Variants in STAC observed in about 807,000 individuals in gnomAD.
STAC encodes the protein SH3 and cysteine rich domain, also known as SH3 and cysteine-rich domain-containing protein.
Under a neutral mutation model 48.8 loss-of-function variants are expected in STAC, and 43 were observed. That is an observed-to-expected ratio of 0.88 (90% CI 0.69 to 1.14). The LOEUF (loss-of-function observed/expected upper bound fraction) is 1.14, where lower values mean the gene tolerates loss of function less well. Among genes scored for constraint, STAC ranks in the 50% most tolerant of loss-of-function variants. STAC has a pLI of 0.00. For synonymous variants in STAC, 193 were observed against 179.5 expected (o/e 1.07, Z -0.60); for missense variants, 497 against 504.0 (o/e 0.99, Z 0.13).
intron 1 of STAC, among the ~76,000 whole-genome samples, chr3:36,393,970 G>A (rs1699803360): frequency 6.6e-6 from 1 of 151,976 alleles, no homozygotes; most frequent in South Asian, 2.1e-4. Flanking sequence ...GGGAAGAGAA[G>A]AAGCTGGCGG....
intron 10 of STAC, among the ~76,000 whole-genome samples, chr3:36,541,610 C>A (rs1435888107): frequency 3.3e-5 from 5 of 152,096 alleles, no homozygotes; most frequent in African/African-American, 4.8e-5. Context: ...CATTTAACTC[C>A]AAAGCAAGGA....
intron 1 of STAC, among the ~76,000 whole-genome samples, chr3:36,441,933 T>C (rs931716791): frequency 2.0e-5 from 3 of 146,564 alleles, no homozygotes; most frequent in African/African-American, 7.4e-5. Flanking sequence ...ATTGGATTGT[T>C]TGGAGGTTTG....
chr3:36,536,544 T>C (rs1228706373), intron 10 of STAC, among the ~76,000 whole-genome samples: 2 of 152,162 alleles, frequency 1.3e-5, no homozygotes, highest in Non-Finnish European at 2.9e-5. Flanking sequence ...GCTAGCCATA[T>C]GCAGAAGATT....
chr3:36,487,806 C>T (rs1697855768), intron 5 of STAC, among the ~76,000 whole-genome samples: 2 of 152,100 alleles, frequency 1.3e-5, no homozygotes, highest in Admixed American at 1.3e-4. Flanking sequence ...TAGACATTGC[C>T]TCAAAGCAGT....
intron 1 of STAC, among the ~76,000 whole-genome samples, chr3:36,428,991 G>A (rs769125609): frequency 1.3e-5 from 2 of 152,164 alleles, no homozygotes; most frequent in Non-Finnish European, 2.9e-5. Context: ...GAGGATGGCG[G>A]TTGTACAGGT....
At chr3:36,521,387 A>G (rs1047623912) in intron 8 of STAC, among the ~76,000 whole-genome samples, 6 of 152,068 alleles carry the variant, frequency 3.9e-5, no homozygotes, top group African/African-American at 1.4e-4. Flanking sequence ...CTTGTATGAA[A>G]ATGCAACTGT....
intron 7 of STAC, among the ~76,000 whole-genome samples, chr3:36,505,354 AAC>A (rs1278922159): frequency 2.6e-5 from 4 of 152,082 alleles, no homozygotes. Context: ...TAACTGATAA[AAC>A]AGTTAATTTT....
chr3:36,422,340 G>T (rs1700469067), intron 1 of STAC, among the ~76,000 whole-genome samples: 1 of 152,110 alleles, frequency 6.6e-6, no homozygotes, highest in African/African-American at 2.4e-5. Context: ...AGATGTCAGT[G>T]TAAGTACATA....
chr3:36,420,634 C>A (rs986125251), intron 1 of STAC, among the ~76,000 whole-genome samples: 1 of 152,204 alleles, frequency 6.6e-6, no homozygotes, highest in Non-Finnish European at 1.5e-5. Flanking sequence ...TGAGGTGGAA[C>A]ACTTTCATCC....
At chr3:36,482,853 A>AT (rs1300599876) in intron 2 of STAC, 139 bp from the exon 3 acceptor site, 17 of 620,638 alleles carry the variant, frequency 2.7e-5, no homozygotes, top group South Asian at 4.0e-5. Flanking sequence ...TACCATATAT[A>AT]TTTTTTTTCT....
chr3:36,540,268 C>T (rs1699292295), intron 10 of STAC, among the ~76,000 whole-genome samples: 1 of 152,110 alleles, frequency 6.6e-6, no homozygotes, highest in South Asian at 2.1e-4. Flanking sequence ...GACTTCTGAA[C>T]CCTAGAACTG....
At chr3:36,516,949 A>G (rs1292458785) in intron 8 of STAC, among the ~76,000 whole-genome samples, 3 of 152,224 alleles carry the variant, frequency 2.0e-5, no homozygotes, top group Non-Finnish European at 4.4e-5. Context: ...GATATAGAGT[A>G]GAGAAAACAC....
intron 1 of STAC, among the ~76,000 whole-genome samples, chr3:36,402,584 C>T (rs1258606523): frequency 6.6e-6 from 1 of 151,898 alleles, no homozygotes; most frequent in Non-Finnish European, 1.5e-5. Flanking sequence ...GGAAGTCACC[C>T]AAAATGGATT....
intron 10 of STAC, among the ~76,000 whole-genome samples, chr3:36,541,392 C>G (rs568772969): frequency 2.0e-5 from 3 of 152,280 alleles, no homozygotes; most frequent in Middle Eastern, 3.4e-3. Flanking sequence ...CAGAAATGAC[C>G]ATGAGTACCA....
intron 1 of STAC, among the ~76,000 whole-genome samples, chr3:36,414,942 C>A (rs1449972758): frequency 6.6e-6 from 1 of 152,178 alleles, no homozygotes; most frequent in East Asian, 1.9e-4. Context: ...CACTCCAGAC[C>A]CTGTTTGCCT....
At chr3:36,473,601 C>A (rs915332320) in intron 2 of STAC, among the ~76,000 whole-genome samples, 5 of 152,196 alleles carry the variant, frequency 3.3e-5, no homozygotes, top group Non-Finnish European at 5.9e-5. Flanking sequence ...GAGCTGAATA[C>A]TATTACCTAA....
Position 36,393,928 on chromosome 3 carries a change from G to A in STAC, c.111+13174G>A, listed in dbSNP as rs529522528. ...TAAGTTTTGTTTCAGAAACCAGAAT[G>A]GAGTAAGGGCATGAGTTGTGTGAAG... On this transcript the variant is annotated intron_variant, in intron 1 of 10. Coordinates refer to ENST00000273183, the MANE Select transcript of STAC (RefSeq NM_003149.3). 2.6e-5 allele frequency among the ~76,000 whole-genome samples: 4 copies of A among 152,134 alleles called. No homozygotes were observed. In the East Asian group the frequency reaches 7.7e-4, roughly 29 times the overall value.
At chr3:36,409,426 A>G (rs563772631) in intron 1 of STAC, 1 of 152,344 alleles carries the variant, frequency 6.6e-6, no homozygotes, top group East Asian at 1.9e-4. Context: ...CGATATTCCC[A>G]ATATAAAAAT....
At chr3:36,514,975 T>C (rs1002568106) in intron 8 of STAC, among the ~76,000 whole-genome samples, 7 of 151,420 alleles carry the variant, frequency 4.6e-5, no homozygotes, top group Non-Finnish European at 7.4e-5. Flanking sequence ...GAGGTGGAGG[T>C]TGCAGTGAGC....
Sources: allele counts gnomAD v4.1 joint callset (sites outside exome capture counted in the v4.1 genomes callset), GRCh38; gene constraint gnomAD v4.1.1; transcripts MANE v1.5; gene names NCBI Gene and HGNC (gene_info 2026-07-23, HGNC 2026-07-21).